Variants in NUSAP1 observed in about 807,000 individuals in gnomAD.
NUSAP1 encodes the protein nucleolar and spindle-associated protein 1.
NUSAP1 carries 32 observed loss-of-function variants against 52.8 expected under a neutral mutation model. That is an observed-to-expected ratio of 0.61 (90% CI 0.46 to 0.81). The LOEUF (loss-of-function observed/expected upper bound fraction) is 0.81. NUSAP1 is among the 40% of genes least tolerant of loss of function. The pLI, the probability that NUSAP1 is intolerant of heterozygous loss-of-function variation, is 0.00. For missense variants in NUSAP1, 499 were observed against 522.3 expected, an observed-to-expected ratio of 0.96 and a Z score of 0.43; for synonymous variants, 195 against 183.1, an observed-to-expected ratio of 1.06 and a Z score of -0.52.
chr15:41,333,016 T>G lies in NUSAP1; in HGVS notation c.59T>G (p.Leu20Ter). 2 of 1,611,912 alleles carry G rather than the reference T, an allele frequency of 1.2e-6. No individual in the cohort carries two copies. Among genetic ancestry groups the G allele is most frequent in the Non-Finnish European group, 1.7e-6 (2 of 1,179,056 alleles). Reference protein sequence around the residue: ...DSLKYSDLQNLAKSLGLRANL... With the variant: ...DSLKYSDLQN ...CTCAAGTACAGTGACCTGCAGAACT[T>G]AGCCAAGAGTCTGGGTCTCCGGGCC... Residue 20 changes from leucine to a stop codon, truncating the protein, a stop_gained, in exon 1 of 11, where the codon TTA (leucine) becomes TGA (stop). Coordinates refer to ENST00000559596, the MANE Select transcript of NUSAP1 (RefSeq NM_016359.5). LOFTEE classifies it high-confidence loss of function.
At chr15:41,372,969 T>C (rs915299660) in intron 8 of NUSAP1, among the ~76,000 whole-genome samples, 1 of 151,396 alleles carries the variant, frequency 6.6e-6, no homozygotes, top group Admixed American at 6.6e-5. Flanking sequence ...GCACCTATCA[T>C]CCCAACTACT....
At chr15:41,372,759 C>T (rs1254980556) in intron 8 of NUSAP1, among the ~76,000 whole-genome samples, 1 of 151,976 alleles carries the variant, frequency 6.6e-6, no homozygotes, top group African/African-American at 2.4e-5. Context: ...GGCAAGGGTT[C>T]ACATTTGGCA....
At chr15:41,366,964 T>C (rs1468454785) in intron 7 of NUSAP1, among the ~76,000 whole-genome samples, 1 of 152,192 alleles carries the variant, frequency 6.6e-6, no homozygotes, top group African/African-American at 2.4e-5. Context: ...TACAGGAATA[T>C]AGTCTCTGTG....
intron 1 of NUSAP1, among the ~76,000 whole-genome samples, chr15:41,337,841 C>A (rs1015302315): frequency 2.6e-5 from 4 of 152,026 alleles, no homozygotes; most frequent in African/African-American, 9.7e-5. Context: ...GTGGAGTGCC[C>A]CCAGGGCTCT....
chr15:41,368,512 A>C (rs527941533), intron 7 of NUSAP1, among the ~76,000 whole-genome samples: 2 of 152,128 alleles, frequency 1.3e-5, no homozygotes, highest in African/African-American at 2.4e-5. Context: ...CTCATGCCCC[A>C]TTGATCCCTG....
Position 41,356,119 on chromosome 15 carries a change from A to T in NUSAP1, c.529A>T (p.Arg177Ter). Residue 177 changes from arginine to a stop codon, truncating the protein, a stop_gained, in exon 5 of 11, where the codon AGA (arginine) becomes TGA (stop). Transcript: ENST00000559596. LOFTEE classifies it high-confidence loss of function. ...GTCATCCAAACCTGGAAAAAATAAA[A>T]GAACTGCAATCACTACTCCAAGTAA... ...DESSKPGKNK[R>*]TAITTPNFKK... is the part of the protein sequence containing the mutation. The T allele has an allele frequency of 6.2e-7, 1 of 1,602,358 alleles. No homozygotes were observed. The highest frequency in any genetic ancestry group is 1.7e-5 in the Admixed American group (1 of 59,216).
chr15:41,344,225 A>G (rs1401255391), intron 2 of NUSAP1: 1 of 151,900 alleles, frequency 6.6e-6, no homozygotes, highest in Non-Finnish European at 1.5e-5. Flanking sequence ...AAAAAAAAAA[A>G]AAAAAAAGAA....
At chr15:41,338,035 C>T (rs1485312383) in intron 1 of NUSAP1, among the ~76,000 whole-genome samples, 2 of 148,858 alleles carry the variant, frequency 1.3e-5, no homozygotes, top group African/African-American at 2.5e-5. Flanking sequence ...CAGGTTCAAG[C>T]GATTCTCCTG....
At position 41,365,574 on chromosome 15, in the gene NUSAP1, C is replaced by A; in HGVS notation, c.833C>A (p.Ala278Asp). The change falls in exon 7 of 11, where the codon GCT (alanine) becomes GAT (aspartate). Residue 278 changes from alanine to aspartate, a missense_variant. Transcript: ENST00000559596. ...CTCAAGCGCTCTGCTATCTCTGCAG[C>A]TAAAACGGGTGTCAGGTAAAGAAAT... The part of the protein sequence containing the change: ...GSLKRSAISA[A>D]KTGVRFSAAT... The A allele has an allele frequency of 6.3e-7, 1 of 1,596,666 alleles. No individual in the cohort carries two copies. The highest frequency in any genetic ancestry group is 1.7e-5 in the Admixed American group (1 of 58,390).
intron 2 of NUSAP1, among the ~76,000 whole-genome samples, chr15:41,348,458 G>A (rs1443759467): frequency 6.6e-6 from 1 of 152,018 alleles, no homozygotes; most frequent in Non-Finnish European, 1.5e-5. Context: ...GGGCTCGAGT[G>A]ATCCACCTGC....
chr15:41,336,090 T>C (rs2048117660), intron 1 of NUSAP1, among the ~76,000 whole-genome samples: 1 of 150,604 alleles, frequency 6.6e-6, no homozygotes, highest in Admixed American at 6.6e-5. Flanking sequence ...CAAAACCCCA[T>C]CTATACTAAA....
At chr15:41,333,545 T>C (rs1004790790) in intron 1 of NUSAP1, among the ~76,000 whole-genome samples, 5 of 152,164 alleles carry the variant, frequency 3.3e-5, no homozygotes, top group African/African-American at 9.7e-5. Context: ...GAGCACCTCC[T>C]TGGGTAAATT....
At chr15:41,349,918 C>G (rs928333048) in intron 3 of NUSAP1, among the ~76,000 whole-genome samples, 4 of 151,850 alleles carry the variant, frequency 2.6e-5, no homozygotes, top group Non-Finnish European at 5.9e-5. Flanking sequence ...AGGTGGCCAC[C>G]ACCACGCCCA....
chr15:41,364,061 G>A (rs1323875269), intron 6 of NUSAP1, among the ~76,000 whole-genome samples: 1 of 151,998 alleles, frequency 6.6e-6, no homozygotes, highest in Non-Finnish European at 1.5e-5. Context: ...TGAACTCCTG[G>A]GCTTAAGCGA....
Position 41,356,048 on chromosome 15 carries a change from ATTCAAAGGTACC to A in NUSAP1, c.463_474del (p.Lys155_Ser158del), listed in dbSNP as rs1321764501. 6.3e-7 allele frequency: 1 copy of A among 1,595,528 alleles called. No individual in the cohort carries two copies. The highest frequency in any genetic ancestry group is 8.6e-7 in the Non-Finnish European group (1 of 1,166,476). On this transcript the variant is annotated inframe_deletion, in exon 5 of 11. Transcript: ENST00000559596. ...GTGTCTTTGGATTTAGGTAACAGAG[ATTCAAAGGTACC>A]TTCAGAAGGAAAGAAATCTCTCTAC...
At chr15:41,368,310 G>T (rs531964145) in intron 7 of NUSAP1, among the ~76,000 whole-genome samples, 1 of 152,120 alleles carries the variant, frequency 6.6e-6, no homozygotes, top group South Asian at 2.1e-4. Flanking sequence ...AAACCACCAT[G>T]CCCAGTCAGA....
At chr15:41,342,847 A>C (rs1207816640) in intron 2 of NUSAP1, among the ~76,000 whole-genome samples, 1 of 152,140 alleles carries the variant, frequency 6.6e-6, no homozygotes, top group African/African-American at 2.4e-5. Flanking sequence ...CAAAAAACAA[A>C]AAAAAAGATA....
chr15:41,348,453 C>T (rs570191361), intron 2 of NUSAP1, among the ~76,000 whole-genome samples: 3 of 151,932 alleles, frequency 2.0e-5, no homozygotes, highest in Non-Finnish European at 4.4e-5. Flanking sequence ...GTCCTGGGCT[C>T]GAGTGATCCA....
At chr15:41,347,300 A>T (rs2048612674) in intron 2 of NUSAP1, among the ~76,000 whole-genome samples, 1 of 152,202 alleles carries the variant, frequency 6.6e-6, no homozygotes, top group Admixed American at 6.5e-5. Flanking sequence ...CATCTGGTAG[A>T]CTGCCTGTAA....
Sources: allele counts gnomAD v4.1 joint callset (sites outside exome capture counted in the v4.1 genomes callset), GRCh38; gene constraint gnomAD v4.1.1; transcripts MANE v1.5; gene names NCBI Gene and HGNC (gene_info 2026-07-23, HGNC 2026-07-21).